The following IRS1 variants were observed in gnomAD, a reference collection of about 807,000 sequenced individuals.
IRS1 encodes the protein insulin receptor substrate 1.
IRS1 carries 34 observed loss-of-function variants against 65.6 expected under a neutral mutation model. The ratio of observed to expected loss-of-function variants is 0.52; its 90% CI spans 0.39 to 0.69. IRS1 has a LOEUF of 0.69. Among genes scored for constraint, IRS1 ranks in the 30% least tolerant of loss-of-function variants. The probability of loss-of-function intolerance (pLI) is 0.00; values close to 1 mark genes in which losing one functional copy is unlikely to be tolerated. For missense variants in IRS1, 1,641 were observed against 1,720.2 expected, an observed-to-expected ratio of 0.95 and a Z score of 0.81; for synonymous variants, 699 against 683.5, an observed-to-expected ratio of 1.02 and a Z score of -0.35.
At chr2:226,742,616 C>T (rs1938460465) in intron 1 of IRS1, among the ~76,000 whole-genome samples, 1 of 152,014 alleles carries the variant, frequency 6.6e-6, no homozygotes, top group Non-Finnish European at 1.5e-5. Context: ...ATATGAGAGG[C>T]CATCTCGCTC....
In IRS1 at chr2:226,795,493, G is replaced by T. The variant is rs748312477; in HGVS notation, c.3246C>A (p.Asn1082Lys). 37 of 1,613,382 alleles carry T rather than the reference G, an allele frequency of 2.3e-5. No homozygotes were observed. Among genetic ancestry groups the T allele is most frequent in the Non-Finnish European group, 2.8e-5 (33 of 1,180,030 alleles). Residue 1082 changes from asparagine to lysine, a missense_variant, in exon 1 of 2, where the codon AAC becomes AAA. By Grantham distance (94) the Asn-to-Lys change is moderately conservative. Coordinates refer to ENST00000305123, the MANE Select transcript of IRS1 (RefSeq NM_005544.3). Reference sequence around the variant, plus strand: ...CTGCACGGATCACTTTGGCACTCTGGTTGCGGTTAGGACTGAGGTTCACCC... The same window carrying T: ...CTGCACGGATCACTTTGGCACTCTGTTTGCGGTTAGGACTGAGGTTCACCC... Reference protein sequence around the residue: ...FTRVNLSPNRNQSAKVIRADP... With the variant: ...FTRVNLSPNRKQSAKVIRADP...
chr2:226,746,603 T>C (rs1252118762), intron 1 of IRS1, among the ~76,000 whole-genome samples: 1 of 152,092 alleles, frequency 6.6e-6, no homozygotes, highest in East Asian at 1.9e-4. Context: ...TTTTTCCAGT[T>C]GACAATGAGG....
At chr2:226,763,518 A>C (rs1228141617) in intron 1 of IRS1, among the ~76,000 whole-genome samples, 2 of 152,218 alleles carry the variant, frequency 1.3e-5, no homozygotes, top group African/African-American at 2.4e-5. Context: ...GGGAGCTTGA[A>C]TTTCAAGGCT....
chr2:226,799,523 TC>T lies in IRS1; in HGVS notation c.-786del. On this transcript the variant is annotated 5_prime_UTR_variant, in exon 1 of 2. Transcript: ENST00000305123. The surrounding 1 kb of genome is among the most constrained non-coding windows in gnomAD (Gnocchi z 6.1). Reference sequence around the variant, plus strand: ...GGGACCGGCCGGAGGGACAGACTCATCCCTGCCCCTCGCTCCAGGCGGCTGG... The same window carrying T: ...GGGACCGGCCGGAGGGACAGACTCATCCTGCCCCTCGCTCCAGGCGGCTGG... The T allele has an allele frequency of 9.2e-7, 1 of 1,087,066 alleles. No individual in the cohort carries two copies. 67.3% of individuals were successfully genotyped at this position (1,087,066 alleles called of 1,614,324 possible).
chr2:226,750,323 G>A (rs1384689511), intron 1 of IRS1, among the ~76,000 whole-genome samples: 1 of 151,034 alleles, frequency 6.6e-6, no homozygotes, highest in Admixed American at 6.6e-5. Context: ...AGTAGCACTA[G>A]GGTGAGACTA....
intron 1 of IRS1, among the ~76,000 whole-genome samples, chr2:226,766,487 A>T (rs1281726371): frequency 6.6e-6 from 1 of 151,776 alleles, no homozygotes; most frequent in East Asian, 1.9e-4. Context: ...TTTACCATGC[A>T]TTTTAGAAGT....
Position 226,734,706 on chromosome 2 carries a change from C to T in IRS1, c.*1566G>A, listed in dbSNP as rs1307238506. ...CTGATATTTGCATTAATTCATTTAA[C>T]CTTTAGGAAGTTTCCTGGTAAAAAG... On this transcript the variant is annotated 3_prime_UTR_variant, in exon 2 of 2. Coordinates refer to ENST00000305123, the MANE Select transcript of IRS1 (RefSeq NM_005544.3). 6.6e-6 allele frequency: 1 copy of T among 152,202 alleles called. No homozygotes were observed. The highest frequency in any genetic ancestry group is 1.9e-4 in the East Asian group (1 of 5,196). 9.4% of individuals were successfully genotyped at this position (152,202 alleles called of 1,614,324 possible).
intron 1 of IRS1, among the ~76,000 whole-genome samples, chr2:226,780,124 G>A (rs539790595): frequency 6.6e-6 from 1 of 152,304 alleles, no homozygotes; most frequent in Admixed American, 6.5e-5. Context: ...CGGGTGCGGT[G>A]GCTCATGCCT....
Position 226,799,789 on chromosome 2 carries a change from GAGCCTCCGCGCTCGGCAGCCGGGC to G in IRS1, c.-1075_-1052del, listed in dbSNP as rs1329361759. The G allele has an allele frequency of 4.0e-6, 4 of 992,398 alleles. No individual in the cohort carries two copies. Among genetic ancestry groups the G allele is most frequent in the Non-Finnish European group, 4.8e-6 (4 of 829,858 alleles). The allele number at this position is 992,398 out of a possible 1,614,324, so 61.5% of individuals were successfully genotyped here. On this transcript the variant is annotated 5_prime_UTR_variant, in exon 1 of 2. Coordinates refer to ENST00000305123, the MANE Select transcript of IRS1 (RefSeq NM_005544.3). The surrounding 1 kb of genome is among the most constrained non-coding windows in gnomAD (Gnocchi z 6.1). ...ACTCGGAGGAGAAAAACACGTGACG[GAGCCTCCGCGCTCGGCAGCCGGGC>G]AGCCGCCGCCGGGAGGCTCCCGCCC...
intron 1 of IRS1, among the ~76,000 whole-genome samples, chr2:226,766,165 T>TA (rs1559152107): frequency 6.0e-4 from 6 of 10,080 alleles, no homozygotes; most frequent in East Asian, 5.8e-3. Flanking sequence ...ATATATATAT[T>TA]TTTTTTTTTT....
chr2:226,793,278 T>G (rs552145777), intron 1 of IRS1, among the ~76,000 whole-genome samples: 2 of 152,330 alleles, frequency 1.3e-5, no homozygotes, highest in East Asian at 3.9e-4. Flanking sequence ...AACCAAAATT[T>G]TAGTTCTGCT....
At chr2:226,758,746 TA>T (rs542497767) in intron 1 of IRS1, among the ~76,000 whole-genome samples, 42 of 148,092 alleles carry the variant, frequency 2.8e-4, no homozygotes, top group African/African-American at 2.2e-4. Context: ...ACAGGGAGTT[TA>T]AAAAAAAAAG....
At chr2:226,736,541 G>A (rs1938329721) in intron 1 of IRS1, among the ~76,000 whole-genome samples, 1 of 152,150 alleles carries the variant, frequency 6.6e-6, no homozygotes, top group Non-Finnish European at 1.5e-5. Flanking sequence ...AAAATTCTTT[G>A]GTGTTGTGAT....
intron 1 of IRS1, among the ~76,000 whole-genome samples, chr2:226,792,895 TG>T (rs1208711728): frequency 1.3e-5 from 2 of 152,242 alleles, no homozygotes; most frequent in Non-Finnish European, 2.9e-5. Context: ...GATGTAAATG[TG>T]CCAGGTAGCA....
chr2:226,796,392 C>T lies in IRS1; in HGVS notation c.2347G>A (p.Gly783Ser), dbSNP rs11554580. 6.2e-7 allele frequency: 1 copy of T among 1,613,224 alleles called. No homozygotes were observed. The highest frequency in any genetic ancestry group is 2.2e-5 in the East Asian group (1 of 44,892). The stretch of plus-strand genomic sequence containing the variant: ...AGGCGGAGGTGCTGATGCCGGGCAC[C>T]CTCCTCCGGCTCCCCGGGGCGCTGG... Reference protein sequence around the residue: ...HTQRPGEPEEGARHQHLRLST... With the variant: ...HTQRPGEPEESARHQHLRLST... The change falls in exon 1 of 2, where the codon GGT becomes AGT. Residue 783 changes from glycine (G) to serine (S), a missense_variant. Gly to Ser is a moderately conservative substitution (Grantham distance 56). This residue lies in a region of IRS1 where 1,324 missense variants were observed against 1,361.0 expected (regional missense o/e 0.97). Coordinates refer to ENST00000305123, the MANE Select transcript of IRS1 (RefSeq NM_005544.3).
intron 1 of IRS1, among the ~76,000 whole-genome samples, chr2:226,736,936 T>C (rs1938336784): frequency 6.6e-6 from 1 of 152,164 alleles, no homozygotes. Flanking sequence ...AAGACTCTTT[T>C]TTTTTTACTT....
chr2:226,768,705 C>T (rs937378574), intron 1 of IRS1, among the ~76,000 whole-genome samples: 1 of 152,154 alleles, frequency 6.6e-6, no homozygotes, highest in African/African-American at 2.4e-5. Flanking sequence ...GGCGCTATCT[C>T]GGCTCGCTGC....
At chr2:226,764,346 C>A (rs933053915) in intron 1 of IRS1, among the ~76,000 whole-genome samples, 1 of 151,782 alleles carries the variant, frequency 6.6e-6, no homozygotes, top group Admixed American at 6.6e-5. Context: ...AAGTTTGAGA[C>A]CAGCCTGGAC....
chr2:226,796,755 A>G lies in IRS1; in HGVS notation c.1984T>C (p.Tyr662His). The G allele has an allele frequency of 6.2e-7, 1 of 1,605,734 alleles. No homozygotes were observed. Among genetic ancestry groups the G allele is most frequent in the South Asian group, 1.1e-5 (1 of 89,654 alleles). The stretch of plus-strand genomic sequence containing the variant: ...CCACCGCTGGGGGACATCATCATGT[A>G]GCCATTGGGGTCCACTCTCTGGGGA... ...RHPQRVDPNG[Y>H]MMMSPSGGCS... Residue 662 changes from tyrosine to histidine, a missense_variant, in exon 1 of 2, where the codon TAC (tyrosine) becomes CAC (histidine). By Grantham distance (83) the Tyr-to-His change is moderately conservative (BLOSUM62 2). Coordinates refer to ENST00000305123, the MANE Select transcript of IRS1 (RefSeq NM_005544.3).
Sources: gnomAD v4.1 joint callset for allele counts (sites outside exome capture counted in the v4.1 genomes callset) on GRCh38, gnomAD v4.1.1 for gene constraint, gnomAD v4.1.1 regional missense constraint, Gnocchi (gnomAD v3.1) non-coding constraint, MANE v1.5 for transcripts, NCBI Gene and HGNC (gene_info 2026-07-23, HGNC 2026-07-21) for gene names.